The following PTPRD variants were observed in gnomAD, a reference collection of about 807,000 sequenced individuals.
PTPRD encodes receptor-type tyrosine-protein phosphatase delta.
In PTPRD, 34 loss-of-function variants were observed where a neutral mutation model predicts 214.5. That is an observed-to-expected ratio of 0.16 (90% confidence interval 0.12 to 0.21). PTPRD has a LOEUF of 0.21. Among genes scored for constraint, PTPRD ranks in the 10% least tolerant of loss-of-function variants. The pLI, the probability that PTPRD is intolerant of heterozygous loss-of-function variation, is 1.00. For missense variants in PTPRD, 2,545 were observed against 2,398.7 expected, an observed-to-expected ratio of 1.06 and a Z score of -1.27; for synonymous variants, 1,128 against 845.7, an observed-to-expected ratio of 1.33 and a Z score of -5.79.
chr9:8,337,131 A>G (rs559086419), intron 43 of PTPRD, among the ~76,000 whole-genome samples: 8 of 152,346 alleles, frequency 5.3e-5, no homozygotes, highest in African/African-American at 1.9e-4. Flanking sequence ...TCATTCTACT[A>G]TAAAGACACA....
chr9:10,092,054 G>A (rs943339352), intron 3 of PTPRD, among the ~76,000 whole-genome samples: 3 of 151,218 alleles, frequency 2.0e-5, no homozygotes, highest in African/African-American at 4.8e-5. Context: ...AATGAAGGAA[G>A]TAATGATTAA....
At chr9:9,980,898 T>A (rs1348436693) in intron 4 of PTPRD, among the ~76,000 whole-genome samples, 1 of 149,800 alleles carries the variant, frequency 6.7e-6, no homozygotes, top group African/African-American at 2.5e-5. Flanking sequence ...GTTACATTCA[T>A]TAGAAAGGCA....
chr9:10,345,847 C>T (rs1306876591), intron 2 of PTPRD, among the ~76,000 whole-genome samples: 1 of 152,150 alleles, frequency 6.6e-6, no homozygotes, highest in African/African-American at 2.4e-5. Context: ...CACATGTCTT[C>T]CACATGCTTG....
At chr9:8,637,853 AG>A (rs1726637980) in intron 12 of PTPRD, among the ~76,000 whole-genome samples, 1 of 152,226 alleles carries the variant, frequency 6.6e-6, no homozygotes, top group Non-Finnish European at 1.5e-5. Flanking sequence ...ATACCACATG[AG>A]AAATGCTTAT....
At chr9:9,186,154 G>T (rs2099931329) in intron 9 of PTPRD, among the ~76,000 whole-genome samples, 1 of 152,088 alleles carries the variant, frequency 6.6e-6, no homozygotes, top group South Asian at 2.1e-4. Context: ...GAAGAAAATG[G>T]ATTTTCAGCA....
At chr9:9,061,326 C>T (rs191857454) in intron 10 of PTPRD, among the ~76,000 whole-genome samples, 11 of 152,242 alleles carry the variant, frequency 7.2e-5, no homozygotes, top group South Asian at 6.2e-4. Context: ...ACATTTGTAA[C>T]GCAATTTCCC....
In PTPRD at chr9:8,375,978, G is replaced by A. The variant is rs556078617; in HGVS notation, c.4619C>T (p.Thr1540Ile). The change falls in exon 39 of 46, where the codon ACC (threonine) becomes ATC (isoleucine). Residue 1540 changes from threonine to isoleucine, a missense_variant. Transcript: ENST00000381196. ...PFLAFLRRVK[T>I]CNPPDAGPMV... is the part of the protein sequence containing the mutation. Reference sequence around the variant, plus strand: ...CGGACCAGCATCGGGAGGGTTACAGGTTTTGACTCTACGTAAGAAAGCTAG... The same window carrying A: ...CGGACCAGCATCGGGAGGGTTACAGATTTTGACTCTACGTAAGAAAGCTAG... The A allele has an allele frequency of 6.2e-7, 1 of 1,612,914 alleles. No individual in the cohort carries two copies. The highest frequency in any genetic ancestry group is 1.1e-5 in the South Asian group (1 of 91,038).
chr9:10,397,254 T>C (rs1469305208), intron 2 of PTPRD, among the ~76,000 whole-genome samples: 1 of 152,068 alleles, frequency 6.6e-6, no homozygotes, highest in East Asian at 1.9e-4. Context: ...AATTAACTAC[T>C]CTATGTTGCA....
chr9:9,992,466 T>A (rs1203834498), intron 4 of PTPRD, among the ~76,000 whole-genome samples: 1 of 152,134 alleles, frequency 6.6e-6, no homozygotes, highest in Non-Finnish European at 1.5e-5. Flanking sequence ...ACTCAGAGGA[T>A]TATAAATCAT....
intron 10 of PTPRD, among the ~76,000 whole-genome samples, chr9:9,106,626 A>G (rs1168659996): frequency 6.6e-5 from 10 of 150,694 alleles, no homozygotes; most frequent in Non-Finnish European, 1.5e-4. Flanking sequence ...AAAAAAAAAA[A>G]AAAAAAAAAG....
At chr9:9,156,028 A>G (rs568798036) in intron 10 of PTPRD, among the ~76,000 whole-genome samples, 5 of 152,092 alleles carry the variant, frequency 3.3e-5, no homozygotes, top group Non-Finnish European at 5.9e-5. Flanking sequence ...CTACAAATCA[A>G]TGAGGGTTAT....
At chr9:9,670,645 G>T (rs1300008948) in intron 7 of PTPRD, among the ~76,000 whole-genome samples, 2 of 152,176 alleles carry the variant, frequency 1.3e-5, no homozygotes, top group African/African-American at 4.8e-5. Flanking sequence ...TTAGAGACTT[G>T]GTGCCCTGCG....
chr9:8,767,479 G>A (rs1256212563), intron 11 of PTPRD, among the ~76,000 whole-genome samples: 1 of 151,974 alleles, frequency 6.6e-6, no homozygotes, highest in African/African-American at 2.4e-5. Flanking sequence ...ATTTATATAG[G>A]AACTCAAAGA....
chr9:9,398,439 G>A (rs192940622), intron 8 of PTPRD, among the ~76,000 whole-genome samples: 1 of 151,954 alleles, frequency 6.6e-6, no homozygotes, highest in Non-Finnish European at 1.5e-5. Flanking sequence ...TGAGCTAAAG[G>A]AGACAATTTA....
intron 4 of PTPRD, among the ~76,000 whole-genome samples, chr9:9,954,511 T>G (rs1329414869): frequency 6.6e-6 from 1 of 151,940 alleles, no homozygotes; most frequent in South Asian, 2.1e-4. Flanking sequence ...ATAAAATACA[T>G]AATCAGACAA....
intron 3 of PTPRD, among the ~76,000 whole-genome samples, chr9:10,303,049 A>G (rs1294661560): frequency 6.6e-6 from 1 of 152,100 alleles, no homozygotes; most frequent in Admixed American, 6.5e-5. Context: ...AATAGCAATC[A>G]TAACAAACAG....
chr9:9,810,316 T>C (rs1332263245), intron 5 of PTPRD, among the ~76,000 whole-genome samples: 1 of 152,022 alleles, frequency 6.6e-6, no homozygotes, highest in Non-Finnish European at 1.5e-5. Context: ...TAGCCTTCTA[T>C]TGAAAAAGGA....
intron 2 of PTPRD, among the ~76,000 whole-genome samples, chr9:10,529,359 C>T (rs1242205439): frequency 6.6e-6 from 1 of 152,056 alleles, no homozygotes; most frequent in Admixed American, 6.6e-5. Context: ...CAATATGTGG[C>T]ACATATACAC....
At chr9:8,372,900 C>A (rs974643489) in intron 39 of PTPRD, among the ~76,000 whole-genome samples, 1 of 152,078 alleles carries the variant, frequency 6.6e-6, no homozygotes, top group Non-Finnish European at 1.5e-5. Flanking sequence ...TTCTTTGAAA[C>A]CTCCTCCATT....
Sources: allele counts gnomAD v4.1 joint callset (sites outside exome capture counted in the v4.1 genomes callset), GRCh38; gene constraint gnomAD v4.1.1; transcripts MANE v1.5; gene names NCBI Gene and HGNC (gene_info 2026-07-23, HGNC 2026-07-21).